MDGA2: variants seen among roughly 807,000 people sequenced by gnomAD.
The protein encoded by MDGA2 is MAM domain-containing glycosylphosphatidylinositol anchor protein 2.
Under a neutral mutation model 117.8 loss-of-function variants are expected in MDGA2, and 40 were observed. That is an observed-to-expected ratio of 0.34 (90% CI 0.26 to 0.44). The LOEUF is 0.44. Ranked by LOEUF, MDGA2 falls within the 20% of genes least tolerant of loss-of-function variation. MDGA2 has a pLI of 1.00. For synonymous variants in MDGA2, 452 were observed against 439.0 expected, an observed-to-expected ratio of 1.03 and a Z score of -0.37; for missense variants, 1,123 against 1,250.6, an observed-to-expected ratio of 0.90 and a Z score of 1.54.
intron 4 of MDGA2, among the ~76,000 whole-genome samples, chr14:47,141,911 T>C (rs1206127469): frequency 6.6e-6 from 1 of 152,204 alleles, no homozygotes. Context: ...TATCAGGTAA[T>C]GGATATGCTA....
chr14:47,361,738 T>C (rs565952019), intron 1 of MDGA2, among the ~76,000 whole-genome samples: 7 of 152,088 alleles, frequency 4.6e-5, no homozygotes, highest in Non-Finnish European at 8.8e-5. Flanking sequence ...CTTGAATCCT[T>C]TGGGTTTGAA....
At chr14:47,085,187 G>C (rs1338327723) in intron 6 of MDGA2, among the ~76,000 whole-genome samples, 2 of 151,992 alleles carry the variant, frequency 1.3e-5, no homozygotes, top group African/African-American at 2.4e-5. Context: ...AGTCTTAAAA[G>C]CCTACATGAG....
chr14:47,499,617 A>G (rs1231495669), intron 1 of MDGA2, among the ~76,000 whole-genome samples: 1 of 152,174 alleles, frequency 6.6e-6, no homozygotes, highest in Admixed American at 6.5e-5. Context: ...CTATCAGCTT[A>G]TATACCTACA....
At chr14:47,591,258 T>C (rs1395747997) in intron 1 of MDGA2, among the ~76,000 whole-genome samples, 1 of 152,112 alleles carries the variant, frequency 6.6e-6, no homozygotes, top group Admixed American at 6.6e-5. Context: ...CTCACACTTA[T>C]TTGTTAAAGT....
In MDGA2 at chr14:47,496,508, T is replaced by A. The variant is rs1403518046; in HGVS notation, c.280+178009A>T. 7.9e-5 allele frequency among the ~76,000 whole-genome samples: 12 copies of A among 152,188 alleles called. No individual in the cohort carries two copies. In the East Asian group the frequency reaches 2.3e-3, roughly 29 times the overall value. On this transcript the variant is annotated intron_variant, in intron 1 of 16. Transcript: ENST00000399232. ...ATTCCCTTGGATCAGCCTCCCAAAG[T>A]GCTGTGATTACAGGCATGAGCCACC...
At chr14:46,863,637 T>C (rs981859398) in intron 14 of MDGA2, among the ~76,000 whole-genome samples, 2 of 152,160 alleles carry the variant, frequency 1.3e-5, no homozygotes, top group African/African-American at 4.8e-5. Flanking sequence ...TACTGAAAAT[T>C]AGACTTATAT....
intron 1 of MDGA2, among the ~76,000 whole-genome samples, chr14:47,432,792 A>G (rs1892824979): frequency 6.6e-6 from 1 of 152,156 alleles, no homozygotes; most frequent in South Asian, 2.1e-4. Context: ...ACATTTTGGA[A>G]ACTCTAGTTT....
intron 1 of MDGA2, among the ~76,000 whole-genome samples, chr14:47,630,071 ACTT>A (rs1897225503): frequency 6.6e-6 from 1 of 151,976 alleles, no homozygotes; most frequent in Admixed American, 6.6e-5. Context: ...ATAAGGCAGT[ACTT>A]CTGATACTAA....
At chr14:47,420,284 C>T (rs12895101) in intron 1 of MDGA2, among the ~76,000 whole-genome samples, 98,058 of 151,910 alleles carry the variant, frequency 0.65, 31,795 homozygotes, top group Middle Eastern at 0.74. Flanking sequence ...AACACACTCA[C>T]GTCACAAGAT....
chr14:47,006,916 C>T (rs1291978041), intron 8 of MDGA2, among the ~76,000 whole-genome samples: 3 of 151,552 alleles, frequency 2.0e-5, no homozygotes, highest in Non-Finnish European at 4.4e-5. Context: ...CTATTATTGT[C>T]CTGGAGCAGG....
chr14:46,928,372 A>C (rs2138536443), intron 9 of MDGA2, among the ~76,000 whole-genome samples: 1 of 152,262 alleles, frequency 6.6e-6, no homozygotes, highest in Non-Finnish European at 1.5e-5. Flanking sequence ...TTATGGCTGA[A>C]TTCACTTATA....
chr14:47,093,088 AGTGGAGAGGTAG>A (rs748219712), intron 6 of MDGA2, among the ~76,000 whole-genome samples: 45 of 152,136 alleles, frequency 3.0e-4, no homozygotes, highest in Non-Finnish European at 5.0e-4. Context: ...GGTTGGGTTA[AGTGGAGAGGTAG>A]GTGGAGAGGT....
intron 7 of MDGA2, among the ~76,000 whole-genome samples, chr14:47,039,061 T>C (rs980448590): frequency 2.0e-5 from 3 of 152,202 alleles, no homozygotes; most frequent in Non-Finnish European, 4.4e-5. Context: ...TGTTTTTCTA[T>C]CTTTCTGTCC....
Position 46,877,480 on chromosome 14 carries a change from T to C in MDGA2, c.2437+9A>G. The C allele has an allele frequency of 6.9e-7, 1 of 1,449,130 alleles. No individual in the cohort carries two copies. The highest frequency in any genetic ancestry group is 1.8e-4 in the Middle Eastern group (1 of 5,470). 89.8% of individuals were successfully genotyped at this position (1,449,130 alleles called of 1,614,324 possible). On this transcript the variant is annotated intron_variant, in intron 12 of 16. Transcript: ENST00000399232. ...TATAGTGCCATTTTGTAAGTTAAAA[T>C]ATACTTACTCAAATGAGGATTTACA...
chr14:47,091,923 C>T (rs1879680219), intron 6 of MDGA2, among the ~76,000 whole-genome samples: 2 of 152,184 alleles, frequency 1.3e-5, no homozygotes, highest in Middle Eastern at 6.8e-3. Context: ...GAACAACCTC[C>T]CCACCACACA....
chr14:47,476,959 C>T (rs987764396), intron 1 of MDGA2, among the ~76,000 whole-genome samples: 4 of 151,926 alleles, frequency 2.6e-5, no homozygotes, highest in Non-Finnish European at 5.9e-5. Context: ...GTCAGGAGTT[C>T]GAGATCAGCC....
intron 1 of MDGA2, among the ~76,000 whole-genome samples, chr14:47,654,245 A>G (rs1897698082): frequency 6.6e-6 from 1 of 152,176 alleles, no homozygotes; most frequent in Non-Finnish European, 1.5e-5. Flanking sequence ...AGGAAAATAA[A>G]GAGCCCTAGA....
chr14:47,365,745 T>C (rs1226580244), intron 1 of MDGA2, among the ~76,000 whole-genome samples: 1 of 152,214 alleles, frequency 6.6e-6, no homozygotes, highest in Non-Finnish European at 1.5e-5. Context: ...TACGCAGTCT[T>C]AGCCTTCTCT....
At chr14:46,929,601 GTATATA>G (rs756528353) in intron 9 of MDGA2, among the ~76,000 whole-genome samples, 204 of 12,656 alleles carry the variant, frequency 0.016, no homozygotes, top group Non-Finnish European at 0.023. Context: ...GTGTGTGTGT[GTATATA>G]TATATATATA....
Sources: allele counts gnomAD v4.1 joint callset (sites outside exome capture counted in the v4.1 genomes callset), GRCh38; gene constraint gnomAD v4.1.1; transcripts MANE v1.5; gene names NCBI Gene and HGNC (gene_info 2026-07-23, HGNC 2026-07-21).